RFX3: variants seen among roughly 807,000 people sequenced by gnomAD.
RFX3 encodes regulatory factor X3, also known as transcription factor RFX3.
In RFX3, 14 loss-of-function variants were observed where a neutral mutation model predicts 98.6. The observed-to-expected ratio is 0.14, with a 90% CI of 0.09 to 0.22. The LOEUF (loss-of-function observed/expected upper bound fraction) is 0.22, where lower values mean the gene tolerates loss of function less well. RFX3 is among the 10% of genes least tolerant of loss of function. The pLI is 1.00. For missense variants in RFX3, 639 were observed against 926.9 expected (o/e 0.69, Z 4.03); for synonymous variants, 383 against 328.4 (o/e 1.17, Z -1.80).
intron 1 of RFX3, among the ~76,000 whole-genome samples, chr9:3,427,506 ATT>A (rs1217993114): frequency 6.8e-6 from 1 of 146,564 alleles, no homozygotes; most frequent in Non-Finnish European, 1.5e-5. Flanking sequence ...ATAAATATAT[ATT>A]GTTACTATAT....
In RFX3 at chr9:3,343,165, C is replaced by A. The variant is rs182540795; in HGVS notation, c.215+3502G>T. Among the ~76,000 whole-genome samples, 357 of 152,322 alleles carry A rather than the reference C, an allele frequency of 2.3e-3. 1 individual carries two copies. Among genetic ancestry groups the A allele is most frequent in the African/African-American group, 8.0e-3 (332 of 41,588 alleles). Reference sequence around the variant, plus strand: ...CACATATCTGTGAGAGCTGTCATCACTTCTTGAGTGAGACCCCATGCATTA... The same window carrying A: ...CACATATCTGTGAGAGCTGTCATCAATTCTTGAGTGAGACCCCATGCATTA... On this transcript the variant is annotated intron_variant, in intron 3 of 16. Transcript: ENST00000617270.
rs2920382 is a variant in RFX3 at position 3,348,791 on chromosome 9, T to G, written c.118-2027A>C. 5.3e-5 allele frequency among the ~76,000 whole-genome samples: 8 copies of G among 152,042 alleles called. No homozygotes were observed. The East Asian group carries it at 1.5e-3, about 29-fold the overall frequency. ...TAGCAATCTTTTTTTCTTGCTAAAATTGTCCCATTGTTGGCCAATGGTAGC... is the reference window on the plus strand; with the variant it reads ...TAGCAATCTTTTTTTCTTGCTAAAAGTGTCCCATTGTTGGCCAATGGTAGC... On this transcript the variant is annotated intron_variant, in intron 2 of 16. Coordinates refer to ENST00000617270, the MANE Select transcript of RFX3 (RefSeq NM_001282116.2).
chr9:3,430,699 TGAA>T (rs753128368), intron 1 of RFX3, among the ~76,000 whole-genome samples: 2 of 152,258 alleles, frequency 1.3e-5, no homozygotes, highest in South Asian at 4.1e-4. Context: ...TGTTGACCCT[TGAA>T]GAACACAGCT....
At chr9:3,347,868 T>C (rs936546528) in intron 2 of RFX3, among the ~76,000 whole-genome samples, 13 of 152,214 alleles carry the variant, frequency 8.5e-5, no homozygotes, top group Admixed American at 7.2e-4. Flanking sequence ...ATTTCACTGG[T>C]AAATATTTTC....
chr9:3,248,357 G>C (rs1178956006), intron 14 of RFX3, among the ~76,000 whole-genome samples, 172 bp from the exon 15 acceptor site: 1 of 152,144 alleles, frequency 6.6e-6, no homozygotes, highest in African/African-American at 2.4e-5. Flanking sequence ...CATTTAAATA[G>C]AATGATAAAG....
Position 3,479,747 on chromosome 9 carries a change from A to G in RFX3, c.-9+46000T>C, listed in dbSNP as rs879584092. 3.9e-5 allele frequency among the ~76,000 whole-genome samples: 6 copies of G among 152,196 alleles called. No individual in the cohort carries two copies. In the East Asian group the frequency reaches 1.2e-3, roughly 29 times the overall value. On this transcript the variant is annotated intron_variant, in intron 1 of 16. Transcript: ENST00000617270. ...CCAAAACCAACTATACTCTGATAGT[A>G]AGAAATTTTTTTAAAACCACAGAAA...
intron 4 of RFX3, among the ~76,000 whole-genome samples, chr9:3,308,498 G>A (rs896019318): frequency 3.3e-5 from 5 of 152,134 alleles, no homozygotes; most frequent in African/African-American, 9.7e-5. Flanking sequence ...ATTATATGTG[G>A]TCTCAAAGCC....
At chr9:3,304,349 G>A (rs1829025588) in intron 4 of RFX3, among the ~76,000 whole-genome samples, 1 of 151,866 alleles carries the variant, frequency 6.6e-6, no homozygotes, top group Non-Finnish European at 1.5e-5. Context: ...CATAGTAACT[G>A]TGTGACTGTC....
intron 3 of RFX3, among the ~76,000 whole-genome samples, chr9:3,345,243 G>A (rs1022400457): frequency 2.0e-5 from 3 of 152,076 alleles, no homozygotes; most frequent in African/African-American, 7.2e-5. Context: ...TGGGAGGAAA[G>A]GAGAGAAGAC....
intron 1 of RFX3, among the ~76,000 whole-genome samples, chr9:3,486,244 C>A (rs1850265072): frequency 6.6e-6 from 1 of 151,620 alleles, no homozygotes; most frequent in African/African-American, 2.4e-5. Context: ...TCCCTCTCTA[C>A]CCTACTCCAG....
chr9:3,235,911 T>C (rs1819090511), intron 15 of RFX3, among the ~76,000 whole-genome samples: 1 of 152,148 alleles, frequency 6.6e-6, no homozygotes, highest in Non-Finnish European at 1.5e-5. Context: ...GTTCCAGGGA[T>C]TAAGATGTAG....
intron 5 of RFX3, among the ~76,000 whole-genome samples, chr9:3,299,329 T>C (rs1262543690): frequency 2.6e-5 from 4 of 151,704 alleles, no homozygotes; most frequent in African/African-American, 9.7e-5. Flanking sequence ...TCATCAACTT[T>C]CCAGGGAGGA....
intron 1 of RFX3, among the ~76,000 whole-genome samples, chr9:3,464,530 T>C (rs1848021762): frequency 6.6e-6 from 1 of 152,176 alleles, no homozygotes; most frequent in Middle Eastern, 3.2e-3. Flanking sequence ...ACATACTGCG[T>C]GATTCCATTT....
Position 3,330,317 on chromosome 9 carries a change from T to C in RFX3, c.416A>G (p.Asn139Ser). 1.2e-6 allele frequency: 2 copies of C among 1,614,112 alleles called. No individual in the cohort carries two copies. Among genetic ancestry groups the C allele is most frequent in the African/African-American group, 1.3e-5 (1 of 75,046 alleles). Reference sequence around the variant, plus strand: ...TGAGTGACCAGAATTCTCCATTGAGTTGCCGATCAGATAGGTTCCTCCAGA... The same window carrying C: ...TGAGTGACCAGAATTCTCCATTGAGCTGCCGATCAGATAGGTTCCTCCAGA... Reference protein sequence around the residue: ...SSSGGTYLIGNSMENSGHSVT... With the variant: ...SSSGGTYLIGSSMENSGHSVT... The change falls in exon 4 of 17, where the codon AAC becomes AGC. Residue 139 changes from asparagine to serine, a missense_variant. This residue lies in a region of RFX3 where 210 missense variants were observed against 197.7 expected (regional missense o/e 1.06). Coordinates refer to ENST00000617270, the MANE Select transcript of RFX3 (RefSeq NM_001282116.2).
At chr9:3,353,025 T>A (rs1187620863) in intron 2 of RFX3, among the ~76,000 whole-genome samples, 1 of 151,926 alleles carries the variant, frequency 6.6e-6, no homozygotes, top group African/African-American at 2.4e-5. Flanking sequence ...CCATAAAAAA[T>A]GATGAGTTCA....
At chr9:3,352,491 T>C (rs1441351672) in intron 2 of RFX3, among the ~76,000 whole-genome samples, 3 of 152,046 alleles carry the variant, frequency 2.0e-5, no homozygotes. Flanking sequence ...ATATTAAACA[T>C]AAAATCATAC....
intron 5 of RFX3, among the ~76,000 whole-genome samples, chr9:3,294,548 C>A (rs1030035594): frequency 2.6e-5 from 4 of 151,950 alleles, no homozygotes; most frequent in Non-Finnish European, 4.4e-5. Context: ...AAAATTTCTC[C>A]ATTTTACTTA....
At chr9:3,469,091 A>G (rs1848560206) in intron 1 of RFX3, 2 of 391,864 alleles carry the variant, frequency 5.1e-6, no homozygotes, top group Non-Finnish European at 5.2e-6. Context: ...GAAAGCCCAG[A>G]CTATTGGTTA....
chr9:3,425,185 C>T (rs2132431313), intron 1 of RFX3, among the ~76,000 whole-genome samples: 1 of 152,306 alleles, frequency 6.6e-6, no homozygotes, highest in African/African-American at 2.4e-5. Context: ...TTGAGTGAGC[C>T]ATGATCACAC....
Sources: gnomAD v4.1 joint callset for allele counts (sites outside exome capture counted in the v4.1 genomes callset) on GRCh38, gnomAD v4.1.1 for gene constraint, gnomAD v4.1.1 regional missense constraint, MANE v1.5 for transcripts, NCBI Gene and HGNC (gene_info 2026-07-23, HGNC 2026-07-21) for gene names.